PRDM1: variants seen among roughly 807,000 people sequenced by gnomAD.
PRDM1 encodes the protein PR/SET domain 1.
PRDM1 carries 13 observed loss-of-function variants against 62.8 expected under a neutral mutation model. The observed-to-expected ratio is 0.21, with a 90% CI of 0.13 to 0.33. The LOEUF is 0.33. PRDM1 is among the 10% of genes least tolerant of loss of function. The probability of loss-of-function intolerance (pLI) is 1.00; values close to 1 mark genes in which losing one functional copy is unlikely to be tolerated. For missense variants in PRDM1, 895 were observed against 1,058.8 expected (o/e 0.85, Z 2.15); for synonymous variants, 396 against 417.6 (o/e 0.95, Z 0.63).
chr6:106,098,905 A>G (rs1774187560), intron 3 of PRDM1: 1 of 1,508,572 alleles, frequency 6.6e-7, no homozygotes, highest in African/African-American at 1.4e-5. Flanking sequence ...CCAGTGACTC[A>G]AAGCACTAAA....
At chr6:105,996,732 A>G (rs939767757) in intron 1 of PRDM1, among the ~76,000 whole-genome samples, 1 of 152,240 alleles carries the variant, frequency 6.6e-6, no homozygotes, top group African/African-American at 2.4e-5. Context: ...AGAGAACATT[A>G]CAAAGTGAGG....
At chr6:106,000,006 C>T (rs754048347) in intron 1 of PRDM1, among the ~76,000 whole-genome samples, 47 of 152,032 alleles carry the variant, frequency 3.1e-4, no homozygotes, top group Admixed American at 1.6e-3. Flanking sequence ...CCTGCCACCA[C>T]GCCTGGCTAA....
chr6:106,097,183 A>G (rs759297995), intron 3 of PRDM1, among the ~76,000 whole-genome samples: 53 of 152,320 alleles, frequency 3.5e-4, no homozygotes, highest in Non-Finnish European at 6.3e-4. Flanking sequence ...CCATGAGTGC[A>G]TTTTTGCCTT....
upstream of PRDM1, among the ~76,000 whole-genome samples, chr6:106,083,984 A>C (rs1033849254): frequency 6.6e-6 from 1 of 152,104 alleles, no homozygotes; most frequent in Non-Finnish European, 1.5e-5. Context: ...TTCCCCCTTA[A>C]TGGTTTTGTG....
intron 1 of PRDM1, among the ~76,000 whole-genome samples, chr6:106,042,226 A>G (rs539675285): frequency 4.0e-4 from 60 of 151,358 alleles, no homozygotes; most frequent in Non-Finnish European, 6.9e-4. Context: ...GTTACCTTAA[A>G]AACTAAGTGT....
intron 1 of PRDM1, among the ~76,000 whole-genome samples, chr6:106,015,535 C>T (rs1263898289): frequency 3.0e-5 from 4 of 133,460 alleles, no homozygotes; most frequent in Admixed American, 1.7e-4. Flanking sequence ...TAAAGAAACA[C>T]TAGAAGAATA....
chr6:106,109,807 T>C lies in PRDM1; in HGVS notation c.*2321T>C, dbSNP rs1157767239. The C allele has an allele frequency of 4.3e-6, 1 of 233,056 alleles. No homozygotes were observed. The allele number at this position is 233,056 out of a possible 1,614,324, so 14.4% of individuals were successfully genotyped here. The stretch of plus-strand genomic sequence containing the variant: ...TTTTTCCTCTACTCAAAGTTAAAAC[T>C]GACCAAAGTTACTGGCTTTTTACTT... On this transcript the variant is annotated 3_prime_UTR_variant, in exon 7 of 7. Coordinates refer to ENST00000369096, the MANE Select transcript of PRDM1 (RefSeq NM_001198.4).
At chr6:106,002,885 G>T (rs1490851098) in intron 1 of PRDM1, among the ~76,000 whole-genome samples, 2 of 152,166 alleles carry the variant, frequency 1.3e-5, no homozygotes, top group African/African-American at 4.8e-5. Context: ...AACTGTGTGT[G>T]GCCAAGAGAG....
intron 1 of PRDM1, among the ~76,000 whole-genome samples, chr6:106,036,493 T>G (rs1224051410): frequency 6.6e-6 from 1 of 152,234 alleles, no homozygotes. Flanking sequence ...TTACACTAAA[T>G]TAGTTCAATA....
intron 1 of PRDM1, among the ~76,000 whole-genome samples, chr6:106,086,815 C>T (rs1280715859): frequency 6.6e-6 from 1 of 152,060 alleles, no homozygotes; most frequent in African/African-American, 2.4e-5. Flanking sequence ...ATTGAAATTT[C>T]AGTAGTGGTT....
intron 1 of PRDM1, among the ~76,000 whole-genome samples, chr6:106,009,382 T>C (rs142389087): frequency 9.9e-5 from 15 of 152,240 alleles, no homozygotes; most frequent in Non-Finnish European, 2.1e-4. Flanking sequence ...CACCCTAGGC[T>C]GAAGGAAAAA....
intron 1 of PRDM1, among the ~76,000 whole-genome samples, chr6:106,060,620 A>G (rs1773331174): frequency 6.6e-6 from 1 of 152,176 alleles, no homozygotes; most frequent in African/African-American, 2.4e-5. Flanking sequence ...AGTGGTAAAT[A>G]CTGGAGAATG....
At chr6:106,070,853 C>T (rs1480236256) in intron 1 of PRDM1, among the ~76,000 whole-genome samples, 1 of 152,194 alleles carries the variant, frequency 6.6e-6, no homozygotes, top group Non-Finnish European at 1.5e-5. Flanking sequence ...TCATGCCATA[C>T]CCCAAAGATT....
intron 1 of PRDM1, among the ~76,000 whole-genome samples, chr6:106,006,843 C>T (rs1451767554): frequency 6.6e-6 from 1 of 151,866 alleles, no homozygotes; most frequent in Non-Finnish European, 1.5e-5. Context: ...TATCTCATCA[C>T]CCTGGGGCTG....
intron 2 of PRDM1, among the ~76,000 whole-genome samples, chr6:106,090,847 T>G (rs1180853799): frequency 1.3e-5 from 2 of 152,160 alleles, no homozygotes; most frequent in East Asian, 3.8e-4. Context: ...ACAAGACCAT[T>G]TTTCATTATG....
rs1774576361 is a variant in PRDM1, at chr6:106,108,461, T to TTG, written c.*984_*985dup. On this transcript the variant is annotated 3_prime_UTR_variant, in exon 7 of 7. Coordinates refer to ENST00000369096, the MANE Select transcript of PRDM1 (RefSeq NM_001198.4). ...AAATTTCCCCAAAGCATAGGTGGCTTTGTGTGTGTGCGATTTGGGGGCTTG... is the reference window on the plus strand; with the variant it reads ...AAATTTCCCCAAAGCATAGGTGGCTTTGTGTGTGTGTGCGATTTGGGGGCTTG... 3 of 232,920 alleles carry TTG rather than the reference T, an allele frequency of 1.3e-5. No individual in the cohort carries two copies. Among genetic ancestry groups the TTG allele is most frequent in the South Asian group, 1.8e-4 (1 of 5,448 alleles). 14.4% of individuals were successfully genotyped at this position (232,920 alleles called of 1,614,324 possible).
At position 106,106,079 on chromosome 6, in the gene PRDM1, G is replaced by A; in HGVS notation, c.1773+146G>A. 7.8e-7 allele frequency: 1 copy of A among 1,276,330 alleles called. No homozygotes were observed. Among genetic ancestry groups the A allele is most frequent in the Non-Finnish European group, 1.1e-6 (1 of 946,642 alleles). The allele number at this position is 1,276,330 out of a possible 1,614,324, so 79.1% of individuals were successfully genotyped here. On this transcript the variant is annotated intron_variant, in intron 5 of 6. Coordinates refer to ENST00000369096, the MANE Select transcript of PRDM1 (RefSeq NM_001198.4). This position sits in a 1 kb window ranked among gnomAD's most constrained non-coding sequence, Gnocchi z 4.4. ...TGGGTATGGATTCCGCCTGGCTTTT[G>A]CCACTTCTAGCTCTTTGACTTTGGA... is the stretch of plus-strand genomic sequence containing the variant.
intron 4 of PRDM1, among the ~76,000 whole-genome samples, chr6:106,100,784 G>C (rs567885018): frequency 6.6e-6 from 1 of 152,064 alleles, no homozygotes; most frequent in Non-Finnish European, 1.5e-5. Flanking sequence ...GACCTCCCCC[G>C]TAGGGGAGGT....
intron 2 of PRDM1, among the ~76,000 whole-genome samples, chr6:106,095,413 C>G (rs1774086243): frequency 6.6e-6 from 1 of 152,150 alleles, no homozygotes; most frequent in Non-Finnish European, 1.5e-5. Context: ...TGAGTATTTG[C>G]TTATGATCTC....
Sources: gnomAD v4.1 joint callset for allele counts (sites outside exome capture counted in the v4.1 genomes callset) on GRCh38, gnomAD v4.1.1 for gene constraint, Gnocchi (gnomAD v3.1) non-coding constraint, MANE v1.5 for transcripts, NCBI Gene and HGNC (gene_info 2026-07-23, HGNC 2026-07-21) for gene names.